Variants in CASS4 observed in about 807,000 individuals in gnomAD.
The protein encoded by CASS4 is cas scaffolding protein family member 4.
In CASS4, 22 loss-of-function variants were observed where a neutral mutation model predicts 54.2. The ratio of observed to expected loss-of-function variants is 0.41; its 90% CI spans 0.29 to 0.58. The LOEUF (loss-of-function observed/expected upper bound fraction) is 0.58. Among genes scored for constraint, CASS4 ranks in the 20% least tolerant of loss-of-function variants. The pLI is 0.36. For missense variants in CASS4, 854 were observed against 986.7 expected (o/e 0.87, Z 1.80); for synonymous variants, 409 against 391.5 (o/e 1.04, Z -0.53).
intron 3 of CASS4, among the ~76,000 whole-genome samples, chr20:56,449,773 A>C (rs1409519235): frequency 6.6e-6 from 1 of 152,042 alleles, no homozygotes; most frequent in Admixed American, 6.6e-5. Flanking sequence ...CCCTGTTTTT[A>C]TTGCTGTCGT....
chr20:56,457,648 G>A (rs1483095113), intron 5 of CASS4, among the ~76,000 whole-genome samples: 1 of 152,054 alleles, frequency 6.6e-6, no homozygotes, highest in Admixed American at 6.6e-5. Flanking sequence ...AGGATTTTTG[G>A]CTTTTTAAAT....
intron 1 of CASS4, among the ~76,000 whole-genome samples, chr20:56,433,574 C>T (rs1235726511): frequency 2.0e-5 from 3 of 152,158 alleles, no homozygotes; most frequent in Admixed American, 6.5e-5. Context: ...ACAACAGTGC[C>T]ATATGTAATA....
chr20:56,444,985 C>T (rs540935470), intron 2 of CASS4, among the ~76,000 whole-genome samples: 1 of 152,240 alleles, frequency 6.6e-6, no homozygotes, highest in Non-Finnish European at 1.5e-5. Flanking sequence ...AGGCATGTGC[C>T]TGTAGTCCCA....
chr20:56,454,729 G>A (rs565506984), intron 5 of CASS4, among the ~76,000 whole-genome samples: 3 of 152,302 alleles, frequency 2.0e-5, no homozygotes, highest in South Asian at 2.1e-4. Context: ...CAAAGACTTA[G>A]GAACCATGGT....
In CASS4 at chr20:56,412,629, T is replaced by G. The variant is rs751791193; in HGVS notation, c.36+135T>G. 5 of 896,158 alleles carry G rather than the reference T, an allele frequency of 5.6e-6. No individual in the cohort carries two copies. In the Admixed American group the frequency reaches 1.3e-4, roughly 23 times the overall value. The allele number at this position is 896,158 out of a possible 1,614,324, so 55.5% of individuals were successfully genotyped here. A position where few individuals can be genotyped will look rare whatever the true frequency, so the allele number is the denominator to read the frequency against. ...GACGTGTGAGTTGGAGATGGGAAAG[T>G]TTAACATAAGTTTAAGTGTGGGAAA... On this transcript the variant is annotated intron_variant, in intron 1 of 5. Coordinates refer to ENST00000679887, the MANE Select transcript of CASS4 (RefSeq NM_020356.4). This position sits in a 1 kb window ranked among gnomAD's most constrained non-coding sequence, Gnocchi z 4.2.
intron 3 of CASS4, among the ~76,000 whole-genome samples, chr20:56,446,360 G>C (rs1980711769): frequency 6.6e-6 from 1 of 151,920 alleles, no homozygotes; most frequent in Non-Finnish European, 1.5e-5. Context: ...CAAAGTGCTG[G>C]GATTATGGGC....
chr20:56,441,332 C>T (rs1404986027), intron 2 of CASS4, among the ~76,000 whole-genome samples: 8 of 150,412 alleles, frequency 5.3e-5, no homozygotes, highest in African/African-American at 9.8e-5. Flanking sequence ...TGGCTGGGTG[C>T]GGTGGCTCAC....
chr20:56,452,340 A>G lies in CASS4; in HGVS notation c.1164A>G (p.Thr388=), dbSNP rs764387425. 5 of 1,613,852 alleles carry G rather than the reference A, an allele frequency of 3.1e-6. No homozygotes were observed. ...ATTCCTCATGGTTCTCCAGACGGAC[A>G]ACTTCCCCATCTCCTGAACCGGACA... The part of the protein sequence containing the change: ...GHNSSWFSRR[T]TSPSPEPDRL... The change falls in exon 5 of 6, where the codon ACA becomes ACG. Residue 388 remains threonine, a synonymous_variant. Transcript: ENST00000679887.
chr20:56,432,901 C>G (rs2064862), intron 1 of CASS4, among the ~76,000 whole-genome samples: 61,727 of 151,758 alleles, frequency 0.41, 17,150 homozygotes, highest in African/African-American at 0.8. Context: ...TGGGCAGGGG[C>G]GTCACAGAAA....
At chr20:56,449,143 T>C (rs1980870992) in intron 3 of CASS4, among the ~76,000 whole-genome samples, 1 of 152,198 alleles carries the variant, frequency 6.6e-6, no homozygotes, top group African/African-American at 2.4e-5. Context: ...CATGCTGCTA[T>C]AAAGATACAT....
chr20:56,440,977 TAA>T (rs200928361), intron 2 of CASS4, among the ~76,000 whole-genome samples: 17 of 148,100 alleles, frequency 1.1e-4, no homozygotes, highest in African/African-American at 4.0e-4. Context: ...TTTATTTACT[TAA>T]AAAAAAAAAT....
At chr20:56,445,221 A>G (rs1206821144) in intron 2 of CASS4, among the ~76,000 whole-genome samples, 1 of 151,072 alleles carries the variant, frequency 6.6e-6, no homozygotes, top group Non-Finnish European at 1.5e-5. Flanking sequence ...TTCCCACTCC[A>G]CCTCTCCCTC....
Position 56,445,938 on chromosome 20 carries a change from G to A in CASS4, c.498G>A (p.Leu166=). Residue 166 remains leucine (L), a synonymous_variant, in exon 3 of 6, where the codon CTG becomes CTA. Transcript: ENST00000679887. The part of the protein sequence containing the change: ...LTLPRPVRAS[L]PTLPSQVYDV... ...TTCCCAGACCTGTCCGGGCCTCACT[G>A]CCGACTCTGCCTTCCCAGGTGTATG... The A allele has an allele frequency of 6.2e-7, 1 of 1,613,900 alleles. No individual in the cohort carries two copies. Among genetic ancestry groups the A allele is most frequent in the Non-Finnish European group, 8.5e-7 (1 of 1,179,988 alleles).
In CASS4 at chr20:56,458,726, G is replaced by A; in HGVS notation, c.2340G>A (p.Gln780=). 1.2e-6 allele frequency: 2 copies of A among 1,606,830 alleles called. No individual in the cohort carries two copies. The highest frequency in any genetic ancestry group is 2.2e-5 in the South Asian group (2 of 90,556). The change falls in exon 6 of 6, where the codon CAG becomes CAA. Residue 780 remains glutamine, a synonymous_variant. Transcript: ENST00000679887. Reference sequence around the variant, plus strand: ...AGAAGCTGGAGCAACACACGCGGCAGTTCAGAGGGACACTGGGATGAGGAC... The same window carrying A: ...AGAAGCTGGAGCAACACACGCGGCAATTCAGAGGGACACTGGGATGAGGAC... ...EAEKLEQHTR[Q]FRGTLG
At chr20:56,456,248 ATC>A (rs2146300391) in intron 5 of CASS4, among the ~76,000 whole-genome samples, 1 of 151,922 alleles carries the variant, frequency 6.6e-6, no homozygotes, top group South Asian at 2.1e-4. Flanking sequence ...AACCAAAACT[ATC>A]TCCACACATT....
rs369235380 is a variant in CASS4, at chr20:56,412,422, G to C, written c.-37G>C. The stretch of plus-strand genomic sequence containing the variant: ...TCTGCCTCTGAAGCTGGAGATACTA[G>C]CTGCAGAGCTCAGGGGAGCTGCTCC... On this transcript the variant is annotated 5_prime_UTR_variant, in exon 1 of 6. Coordinates refer to ENST00000679887, the MANE Select transcript of CASS4 (RefSeq NM_020356.4). This position sits in a 1 kb window ranked among gnomAD's most constrained non-coding sequence, Gnocchi z 4.2. 3.1e-5 allele frequency: 50 copies of C among 1,609,484 alleles called. No individual in the cohort carries two copies. The highest frequency in any genetic ancestry group is 4.2e-5 in the Non-Finnish European group (49 of 1,177,666).
At chr20:56,453,558 G>T (rs1600776345) in intron 5 of CASS4, 1 of 164,636 alleles carries the variant, frequency 6.1e-6, no homozygotes, top group Non-Finnish European at 1.3e-5. Context: ...AATTGCCCAT[G>T]GTCTGATCAG....
At chr20:56,454,280 C>A (rs1457373503) in intron 5 of CASS4, among the ~76,000 whole-genome samples, 7 of 152,176 alleles carry the variant, frequency 4.6e-5, no homozygotes, top group Non-Finnish European at 7.3e-5. Context: ...GGATTGTGAG[C>A]CTTAAGAGGC....
At chr20:56,440,806 G>A (rs573272469) in intron 2 of CASS4, among the ~76,000 whole-genome samples, 19 of 152,184 alleles carry the variant, frequency 1.2e-4, no homozygotes, top group African/African-American at 3.6e-4. Context: ...AACAGAAACC[G>A]CAAGGAAATT....
Sources: allele counts gnomAD v4.1 joint callset (sites outside exome capture counted in the v4.1 genomes callset), GRCh38; gene constraint gnomAD v4.1.1; non-coding constraint Gnocchi (gnomAD v3.1); transcripts MANE v1.5; gene names NCBI Gene and HGNC (gene_info 2026-07-23, HGNC 2026-07-21).